The following KIAA0825 variants were observed in gnomAD, a reference collection of about 807,000 sequenced individuals.
KIAA0825 encodes the protein KIAA0825, also known as uncharacterized protein KIAA0825.
A neutral mutation model predicts 147.6 loss-of-function variants in KIAA0825; 119 were observed. The observed-to-expected ratio is 0.81, with a 90% CI of 0.69 to 0.94. KIAA0825 has a LOEUF of 0.94. KIAA0825 is among the 40% of genes least tolerant of loss of function. The pLI, the probability that KIAA0825 is intolerant of heterozygous loss-of-function variation, is 0.00. For synonymous variants in KIAA0825, 470 were observed against 518.1 expected, an observed-to-expected ratio of 0.91 and a Z score of 1.26; for missense variants, 1,381 against 1,472.7, an observed-to-expected ratio of 0.94 and a Z score of 1.02.
intron 20 of KIAA0825, among the ~76,000 whole-genome samples, chr5:94,182,941 T>C (rs559525164): frequency 8.5e-5 from 13 of 152,320 alleles, no homozygotes; most frequent in African/African-American, 3.1e-4. Context: ...AGGTTCTTAG[T>C]AATTATGGTT....
intron 10 of KIAA0825, among the ~76,000 whole-genome samples, chr5:94,468,838 T>G (rs568011424): frequency 2.0e-5 from 3 of 152,240 alleles, no homozygotes; most frequent in African/African-American, 7.2e-5. Flanking sequence ...ATCAAGAAAA[T>G]GAAAATCATA....
intron 20 of KIAA0825, among the ~76,000 whole-genome samples, chr5:94,231,516 G>T (rs1172756442): frequency 6.6e-6 from 1 of 152,052 alleles, no homozygotes; most frequent in Non-Finnish European, 1.5e-5. Flanking sequence ...AGTTCACTAA[G>T]TACATAAAGA....
intron 20 of KIAA0825, among the ~76,000 whole-genome samples, chr5:94,372,600 G>C (rs1278542997): frequency 1.3e-5 from 2 of 152,206 alleles, no homozygotes; most frequent in Non-Finnish European, 2.9e-5. Context: ...AGGGCACCAT[G>C]TCCCAGGGCT....
At position 94,235,391 on chromosome 5, in the gene KIAA0825, C is replaced by A. The variant is rs578205962; in HGVS notation, c.3711-81267G>T. 1.6e-4 allele frequency among the ~76,000 whole-genome samples: 24 copies of A among 152,256 alleles called. 1 individual carries two copies. Among genetic ancestry groups the A allele is most frequent in the African/African-American group, 5.1e-4 (21 of 41,548 alleles). On this transcript the variant is annotated intron_variant, in intron 20 of 20. Transcript: ENST00000682413. ...ACCAAATCTTAATCCAGAGTAAGAC[C>A]CTGTCTTCGATTCAGTGAAGGCTGA...
intron 15 of KIAA0825, among the ~76,000 whole-genome samples, chr5:94,409,331 T>C (rs1254428050): frequency 1.3e-5 from 2 of 152,196 alleles, no homozygotes; most frequent in Non-Finnish European, 2.9e-5. Context: ...ATAACTATTT[T>C]CACATATTAG....
chr5:94,153,908 T>C lies in KIAA0825; in HGVS notation c.*99A>G. On this transcript the variant is annotated 3_prime_UTR_variant, in exon 21 of 21. Coordinates refer to ENST00000682413, the MANE Select transcript of KIAA0825 (RefSeq NM_001145678.3). ...GATTACTCAGTCATTGGTTTCATGC[T>C]TCACAGCACATATGAGGTTCATTCT... is the stretch of plus-strand genomic sequence containing the variant. 1.3e-6 allele frequency: 1 copy of C among 754,064 alleles called. No homozygotes were observed. The allele number at this position is 754,064 out of a possible 1,614,324, so 46.7% of individuals were successfully genotyped here. A position where few individuals can be genotyped will look rare whatever the true frequency, so the allele number is the denominator to read the frequency against.
chr5:94,240,665 T>C (rs1775298588), intron 20 of KIAA0825, among the ~76,000 whole-genome samples: 2 of 152,298 alleles, frequency 1.3e-5, no homozygotes, highest in South Asian at 2.1e-4. Context: ...AATAAATGGA[T>C]ACTATAACAG....
intron 20 of KIAA0825, among the ~76,000 whole-genome samples, chr5:94,194,362 C>A (rs1425307282): frequency 6.6e-6 from 1 of 152,030 alleles, no homozygotes; most frequent in Non-Finnish European, 1.5e-5. Flanking sequence ...AAATTCAGTC[C>A]TTGGGTATGC....
intron 2 of KIAA0825, among the ~76,000 whole-genome samples, chr5:94,574,556 A>G (rs1251845785): frequency 1.3e-5 from 2 of 150,906 alleles, no homozygotes; most frequent in African/African-American, 2.4e-5. Flanking sequence ...AAAAAAAAAA[A>G]AAAAAAAAAG....
At chr5:94,170,216 G>A (rs540695850) in intron 20 of KIAA0825, among the ~76,000 whole-genome samples, 11 of 152,094 alleles carry the variant, frequency 7.2e-5, no homozygotes, top group East Asian at 5.8e-4. Flanking sequence ...GGAGAATGGC[G>A]TGAACCCAGG....
intron 20 of KIAA0825, among the ~76,000 whole-genome samples, chr5:94,337,332 A>T (rs763023163): frequency 6.6e-6 from 1 of 152,124 alleles, no homozygotes; most frequent in African/African-American, 2.4e-5. Context: ...TGAATTTTGT[A>T]ATTTGTCCAT....
chr5:94,438,392 T>C (rs1409983688), intron 14 of KIAA0825, among the ~76,000 whole-genome samples: 1 of 152,214 alleles, frequency 6.6e-6, no homozygotes, highest in Non-Finnish European at 1.5e-5. Context: ...TGTGAGGAAG[T>C]AGATTCCCTA....
At chr5:94,588,944 G>T (rs888390375) in intron 1 of KIAA0825, among the ~76,000 whole-genome samples, 17 of 152,114 alleles carry the variant, frequency 1.1e-4, no homozygotes, top group African/African-American at 4.1e-4. Context: ...ACTGCATGTT[G>T]TCACTCATAA....
chr5:94,200,979 A>ATG (rs1295829813), intron 20 of KIAA0825, among the ~76,000 whole-genome samples: 1 of 135,240 alleles, frequency 7.4e-6, no homozygotes, highest in Non-Finnish European at 1.6e-5. Context: ...ATATATATAT[A>ATG]TATATGTATA....
intron 5 of KIAA0825, among the ~76,000 whole-genome samples, chr5:94,496,174 TGGCAA>T (rs1382494864): frequency 6.6e-6 from 1 of 152,100 alleles, no homozygotes; most frequent in Non-Finnish European, 1.5e-5. Flanking sequence ...TTGGTGCAGT[TGGCAA>T]GCTAAACATG....
intron 5 of KIAA0825, among the ~76,000 whole-genome samples, chr5:94,488,326 A>G (rs1763309044): frequency 6.6e-6 from 1 of 152,190 alleles, no homozygotes; most frequent in Non-Finnish European, 1.5e-5. Flanking sequence ...GTTTACACAC[A>G]GGCAACTCTG....
At chr5:94,524,695 A>T (rs1768923061) in intron 3 of KIAA0825, among the ~76,000 whole-genome samples, 1 of 151,794 alleles carries the variant, frequency 6.6e-6, no homozygotes, top group African/African-American at 2.4e-5. Context: ...AAGGAAATGA[A>T]GCAAAGGGTT....
intron 3 of KIAA0825, among the ~76,000 whole-genome samples, chr5:94,534,059 A>C (rs1298014444): frequency 6.6e-6 from 1 of 152,242 alleles, no homozygotes; most frequent in Non-Finnish European, 1.5e-5. Flanking sequence ...GTATAAGGAA[A>C]AAATATCATA....
chr5:94,589,179 C>A (rs549147363), intron 1 of KIAA0825, among the ~76,000 whole-genome samples: 29 of 151,644 alleles, frequency 1.9e-4, no homozygotes, highest in Admixed American at 4.6e-4. Flanking sequence ...ACAACAACAA[C>A]AAAAAAAACA....
Sources: gnomAD v4.1 joint callset for allele counts (sites outside exome capture counted in the v4.1 genomes callset) on GRCh38, gnomAD v4.1.1 for gene constraint, MANE v1.5 for transcripts, NCBI Gene and HGNC (gene_info 2026-07-23, HGNC 2026-07-21) for gene names.